Variants in QTMAN observed in about 807,000 individuals in gnomAD.
The protein encoded by QTMAN is tRNA-queuosine alpha-mannosyltransferase.
chr2:144,027,905 A>G, the QTMAN span, among the ~76,000 whole-genome samples: 1 of 152,168 alleles, frequency 6.6e-6, no homozygotes, highest in Non-Finnish European at 1.5e-5. Flanking sequence ...TTAAATTTCA[A>G]TCTAGATTTA....
At chr2:143,963,824 A>G in the QTMAN span, 1 of 151,914 alleles carries the variant, frequency 6.6e-6, no homozygotes, top group Non-Finnish European at 1.5e-5. Flanking sequence ...TCTTTATTTC[A>G]GCAAAGGACT....
chr2:144,128,329 GAACAA>G, the QTMAN span: 1 of 151,990 alleles, frequency 6.6e-6, no homozygotes, highest in African/African-American at 2.4e-5. Flanking sequence ...TTTACTGGAA[GAACAA>G]AATACGCTAT....
chr2:143,999,519 T>C, the QTMAN span, among the ~76,000 whole-genome samples: 1 of 151,914 alleles, frequency 6.6e-6, no homozygotes, highest in Non-Finnish European at 1.5e-5. Context: ...AGGAGAAATA[T>C]ATTTAAATTC....
chr2:144,222,891 A>C, the QTMAN span, among the ~76,000 whole-genome samples: 820 of 152,330 alleles, frequency 5.4e-3, 12 homozygotes, highest in African/African-American at 0.019. Context: ...GCGAGGACTG[A>C]TTGGATAGTC....
At chr2:144,073,751 C>A in the QTMAN span, among the ~76,000 whole-genome samples, 15 of 152,214 alleles carry the variant, frequency 9.9e-5, no homozygotes, top group Non-Finnish European at 1.3e-4. Flanking sequence ...GACTGCCAAA[C>A]AATTATTTCC....
the QTMAN span, among the ~76,000 whole-genome samples, chr2:143,983,468 G>GTTTT: frequency 2.5e-4 from 29 of 115,998 alleles, no homozygotes; most frequent in Middle Eastern, 4.8e-3. Context: ...CATTTTTGAG[G>GTTTT]TTTTTTTTTT....
At chr2:144,176,438 A>G in the QTMAN span, among the ~76,000 whole-genome samples, 2 of 152,188 alleles carry the variant, frequency 1.3e-5, no homozygotes, top group Admixed American at 1.3e-4. Flanking sequence ...GTCAGCTACA[A>G]GACAAAAAGT....
the QTMAN span, among the ~76,000 whole-genome samples, chr2:144,017,296 C>T: frequency 6.6e-6 from 1 of 152,026 alleles, no homozygotes. Flanking sequence ...AGCCACTGTG[C>T]CTGGCCCAAA....
the QTMAN span, among the ~76,000 whole-genome samples, chr2:144,149,233 TA>T: frequency 2.6e-5 from 4 of 151,960 alleles, no homozygotes; most frequent in Non-Finnish European, 5.9e-5. Flanking sequence ...AGTGTGTCTC[TA>T]GCAGGAAAGG....
chr2:144,332,553 C>T, the QTMAN span: 1 of 148,412 alleles, frequency 6.7e-6, no homozygotes, highest in Non-Finnish European at 1.5e-5. Flanking sequence ...CCGCCCCTCC[C>T]GGCCCGCGGC....
the QTMAN span, among the ~76,000 whole-genome samples, chr2:144,078,923 T>TA: frequency 1.3e-5 from 2 of 152,134 alleles, no homozygotes; most frequent in Non-Finnish European, 2.9e-5. Context: ...TTTCTCGATA[T>TA]AAAGATTGGC....
the QTMAN span, among the ~76,000 whole-genome samples, chr2:144,041,663 G>A: frequency 6.6e-6 from 1 of 152,186 alleles, no homozygotes; most frequent in African/African-American, 2.4e-5. Context: ...GTGACTTCAA[G>A]GAACTCATAC....
chr2:144,207,612 G>GTT, the QTMAN span, among the ~76,000 whole-genome samples: 1 of 152,006 alleles, frequency 6.6e-6, no homozygotes, highest in East Asian at 1.9e-4. Flanking sequence ...AACACTTAAA[G>GTT]TTTTATATCA....
chr2:144,107,229 T>A, the QTMAN span, among the ~76,000 whole-genome samples: 1 of 152,040 alleles, frequency 6.6e-6, no homozygotes, highest in Non-Finnish European at 1.5e-5. Context: ...GTTCAAAAGC[T>A]GGCAGAAGGC....
At chr2:143,969,777 C>A in the QTMAN span, among the ~76,000 whole-genome samples, 1 of 152,040 alleles carries the variant, frequency 6.6e-6, no homozygotes, top group Non-Finnish European at 1.5e-5. Context: ...GGTCAGTATC[C>A]ACAGCTGCAG....
the QTMAN span, among the ~76,000 whole-genome samples, chr2:144,251,813 A>G: frequency 3.3e-5 from 5 of 152,314 alleles, no homozygotes; most frequent in Middle Eastern, 3.4e-3. Flanking sequence ...GAGAGAAAAT[A>G]TTTTCAAAAT....
At chr2:144,053,756 G>A in the QTMAN span, among the ~76,000 whole-genome samples, 12 of 152,280 alleles carry the variant, frequency 7.9e-5, no homozygotes, top group East Asian at 2.3e-3. Context: ...GCCAAGGCCA[G>A]ATTGAGGGTC....
the QTMAN span, among the ~76,000 whole-genome samples, chr2:144,238,782 T>C: frequency 6.6e-6 from 1 of 152,182 alleles, no homozygotes; most frequent in Non-Finnish European, 1.5e-5. Flanking sequence ...TTGCTTCAAC[T>C]TCCATTCAAT....
chr2:143,952,035 T>A, the QTMAN span: 1 of 1,605,780 alleles, frequency 6.2e-7, no homozygotes, highest in Non-Finnish European at 8.5e-7. Context: ...TTCTGGAGCC[T>A]TTTTGAAAGC....
Sources: gnomAD v4.1 joint callset for allele counts (sites outside exome capture counted in the v4.1 genomes callset) on GRCh38, gnomAD v4.1.1 for gene constraint, MANE v1.5 for transcripts, NCBI Gene and HGNC (gene_info 2026-07-23, HGNC 2026-07-21) for gene names.